DMD: variants seen among roughly 807,000 people sequenced by gnomAD.
DMD encodes the protein dystrophin, also known as mutant dystrophin.
Under a neutral mutation model 330.1 loss-of-function variants are expected in DMD, and 63 were observed. The observed-to-expected ratio is 0.19, with a 90% CI of 0.16 to 0.24. The LOEUF (loss-of-function observed/expected upper bound fraction) is 0.24, where lower values mean the gene tolerates loss of function less well. Ranked by LOEUF, DMD falls within the 10% of genes least tolerant of loss-of-function variation. The probability of loss-of-function intolerance (pLI) is 1.00; values close to 1 mark genes in which losing one functional copy is unlikely to be tolerated. For missense variants in DMD, 3,344 were observed against 2,684.1 expected (o/e 1.25, Z -5.43); for synonymous variants, 1,223 against 959.8 (o/e 1.27, Z -5.07).
intron 7 of DMD, among the ~76,000 whole-genome samples, chrX:32,715,470 A>C (rs980638286): frequency 3.9e-5 from 2 of 50,945 alleles, no homozygotes; most frequent in African/African-American, 2.1e-4. Flanking sequence ...AGATTCCATC[A>C]AAAAAAAAAA....
chrX:33,058,403 G>A (rs2094542991), intron 1 of DMD, among the ~76,000 whole-genome samples: 1 of 110,863 alleles, frequency 9.0e-6, no homozygotes, highest in Admixed American at 9.7e-5. Flanking sequence ...TCTCATCTCA[G>A]CCTCTGGAGT....
At chrX:32,700,041 G>A (rs2063974629) in intron 7 of DMD, among the ~76,000 whole-genome samples, 1 of 111,477 alleles carries the variant, frequency 9.0e-6, no homozygotes. Context: ...ATAATACTTT[G>A]TAATAACACA....
chrX:31,513,822 C>T (rs1449876679), intron 55 of DMD, among the ~76,000 whole-genome samples: 1 of 111,586 alleles, frequency 9.0e-6, no homozygotes, highest in East Asian at 2.8e-4. Flanking sequence ...CTCCTCTCAA[C>T]AACCCTCTAG....
chrX:31,856,402 C>G (rs187254597), intron 48 of DMD, among the ~76,000 whole-genome samples: 2 of 111,982 alleles, frequency 1.8e-5, no homozygotes, highest in Non-Finnish European at 3.8e-5. Flanking sequence ...CTGGAACAAT[C>G]TGATTATTCA....
chrX:31,401,588 C>G (rs1164306272), intron 60 of DMD, among the ~76,000 whole-genome samples: 1 of 111,190 alleles, frequency 9.0e-6, no homozygotes, highest in Admixed American at 9.6e-5. Flanking sequence ...TCAGGGAAAC[C>G]AAACCTTGGA....
At chrX:31,929,303 T>C (rs1292628450) in intron 47 of DMD, among the ~76,000 whole-genome samples, 1 of 111,984 alleles carries the variant, frequency 8.9e-6, no homozygotes, top group Non-Finnish European at 1.9e-5. Context: ...GCCTGGCCAC[T>C]GAATTAAATA....
At chrX:31,578,878 G>A in intron 55 of DMD, among the ~76,000 whole-genome samples, 1 of 112,184 alleles carries the variant, frequency 8.9e-6, no homozygotes. Flanking sequence ...ATTATGAATA[G>A]AATGATTAAC....
intron 4 of DMD, among the ~76,000 whole-genome samples, chrX:32,825,101 A>AGTGAC (rs1314396758): frequency 2.7e-5 from 3 of 111,874 alleles, no homozygotes; most frequent in Non-Finnish European, 5.6e-5. Flanking sequence ...CATGAAACTT[A>AGTGAC]ATTCTAGTGA....
Position 31,507,292 on chromosome X carries a change from A to G in DMD, c.8379T>C (p.Ser2793=), listed in dbSNP as rs1433937390. The change falls in exon 56 of 79, where the codon TCT becomes TCC. Residue 2793 remains serine (S), a synonymous_variant. Coordinates refer to ENST00000357033, the MANE Select transcript of DMD (RefSeq NM_004006.3). The stretch of plus-strand genomic sequence containing the variant: ...ACATCTTTTCCTACCTAATGTTGAG[A>G]GACTTTTTCCGAAGTTCACTCCACT... ...NFKWSELRKK[S]LNIRSHLEAS... The G allele has an allele frequency of 8.3e-7, 1 of 1,209,904 alleles. No homozygotes were observed. The highest frequency in any genetic ancestry group is 1.7e-5 in the African/African-American group (1 of 57,173).
chrX:32,826,663 G>T (rs1391769523), intron 4 of DMD, among the ~76,000 whole-genome samples: 1 of 111,493 alleles, frequency 9.0e-6, no homozygotes, highest in African/African-American at 3.3e-5. Flanking sequence ...TCATAGAATT[G>T]AGAGTAAAAT....
intron 45 of DMD, among the ~76,000 whole-genome samples, chrX:31,965,027 T>C (rs186084488): frequency 1.8e-5 from 2 of 111,722 alleles, no homozygotes; most frequent in African/African-American, 6.5e-5. Context: ...GGAATTCCAC[T>C]TCCCACTGCC....
intron 30 of DMD, among the ~76,000 whole-genome samples, chrX:32,402,149 G>A (rs1293794512): frequency 9.0e-6 from 1 of 111,731 alleles, no homozygotes; most frequent in East Asian, 2.8e-4. Context: ...GCGGACATCA[G>A]TAGGCCATCA....
At chrX:31,382,268 T>C (rs1243215846) in intron 60 of DMD, among the ~76,000 whole-genome samples, 1 of 111,689 alleles carries the variant, frequency 9.0e-6, no homozygotes, top group Non-Finnish European at 1.9e-5. Context: ...TACAGCCCAT[T>C]TAAGCTCCTG....
intron 1 of DMD, among the ~76,000 whole-genome samples, chrX:33,161,311 C>T (rs1235869495): frequency 9.0e-6 from 1 of 111,529 alleles, no homozygotes; most frequent in Non-Finnish European, 1.9e-5. Context: ...GTTATTTTCC[C>T]CATGTTTACA....
At chrX:32,389,942 T>C (rs754143228) in intron 31 of DMD, 129 bp downstream of exon 31, 1 of 575,230 alleles carries the variant, frequency 1.7e-6, no homozygotes, top group Admixed American at 2.8e-5. Flanking sequence ...ACTCATTGTT[T>C]AGACATCAAA....
In DMD at chrX:32,277,140, C is replaced by T. The variant is rs936853551; in HGVS notation, c.6290+10389G>A. Among the ~76,000 whole-genome samples, 7 of 110,282 alleles carry T rather than the reference C, an allele frequency of 6.3e-5. No homozygotes were observed. The East Asian group carries it at 1.4e-3, about 22-fold the overall frequency. On this transcript the variant is annotated intron_variant, in intron 43 of 78. Transcript: ENST00000357033. The stretch of plus-strand genomic sequence containing the variant: ...CCCAAACATAGCTGGACTAGCTCTA[C>T]TTATATCAGACCAAATCGATATCAG...
At chrX:32,310,660 T>C (rs1265920408) in intron 41 of DMD, among the ~76,000 whole-genome samples, 1 of 110,574 alleles carries the variant, frequency 9.0e-6, no homozygotes, top group East Asian at 2.9e-4. Context: ...AATCTAGATA[T>C]GGGATTGGGT....
intron 18 of DMD, among the ~76,000 whole-genome samples, chrX:32,516,259 A>G (rs1603635291): frequency 8.9e-6 from 1 of 111,952 alleles, no homozygotes; most frequent in South Asian, 3.7e-4. Context: ...TTTTTAATAC[A>G]TATACATTGT....
At position 32,614,563 on chromosome X, in the gene DMD, G is replaced by A. The variant is rs1431182858; in HGVS notation, c.1332-110C>T. ...ATATATGGAATGTTCGCATTTGGGG[G>A]CATCTATTGGACATTGAGAAGGATG... is the stretch of plus-strand genomic sequence containing the variant. On this transcript the variant is annotated intron_variant, in intron 11 of 78. Coordinates refer to ENST00000357033, the MANE Select transcript of DMD (RefSeq NM_004006.3). 6.2e-6 allele frequency: 4 copies of A among 648,975 alleles called. No individual in the cohort carries two copies. In the East Asian group the frequency reaches 1.1e-4, roughly 17 times the overall value. 53.5% of individuals were successfully genotyped at this position (648,975 alleles called of 1,213,427 possible).
Sources: allele counts gnomAD v4.1 joint callset (sites outside exome capture counted in the v4.1 genomes callset), GRCh38; gene constraint gnomAD v4.1.1; transcripts MANE v1.5; gene names NCBI Gene and HGNC (gene_info 2026-07-23, HGNC 2026-07-21).